Variants in PXDNL observed in about 807,000 individuals in gnomAD.
PXDNL encodes the protein peroxidasin like.
A neutral mutation model predicts 150.8 loss-of-function variants in PXDNL; 145 were observed. The ratio of observed to expected loss-of-function variants is 0.96; its 90% CI spans 0.84 to 1.10. The LOEUF is 1.10. Ranked by LOEUF, PXDNL falls within the 50% of genes least tolerant of loss-of-function variation. The pLI, the probability that PXDNL is intolerant of heterozygous loss-of-function variation, is 0.00. For missense variants in PXDNL, 2,087 were observed against 1,873.9 expected, an observed-to-expected ratio of 1.11 and a Z score of -2.10; for synonymous variants, 757 against 725.7, an observed-to-expected ratio of 1.04 and a Z score of -0.69.
intron 4 of PXDNL, among the ~76,000 whole-genome samples, chr8:51,525,735 G>A (rs6990682): frequency 0.016 from 2,369 of 152,252 alleles, 65 homozygotes; most frequent in African/African-American, 0.054. Flanking sequence ...AGCAACCCCT[G>A]AGCACTGAAG....
At chr8:51,667,153 C>G (rs1302576628) in intron 1 of PXDNL, among the ~76,000 whole-genome samples, 1 of 152,168 alleles carries the variant, frequency 6.6e-6, no homozygotes, top group Non-Finnish European at 1.5e-5. Context: ...CAATCATGAT[C>G]TCTTCCGTAA....
chr8:51,442,708 G>A (rs1395511236), intron 12 of PXDNL, among the ~76,000 whole-genome samples: 1 of 151,542 alleles, frequency 6.6e-6, no homozygotes, highest in East Asian at 1.9e-4. Flanking sequence ...TTAAATTTCT[G>A]GAATAAATAC....
intron 1 of PXDNL, among the ~76,000 whole-genome samples, chr8:51,755,404 C>T (rs62508306): frequency 0.021 from 3,253 of 152,074 alleles, 43 homozygotes; most frequent in Non-Finnish European, 0.031. Flanking sequence ...AAGCAATTCT[C>T]CTGCCTCAGC....
intron 3 of PXDNL, among the ~76,000 whole-genome samples, chr8:51,590,843 G>A (rs1232646860): frequency 6.6e-6 from 1 of 152,076 alleles, no homozygotes; most frequent in East Asian, 1.9e-4. Context: ...TTTTGAGTTT[G>A]TGCTAAAATA....
intron 8 of PXDNL, among the ~76,000 whole-genome samples, chr8:51,460,523 T>C (rs1810051672): frequency 7.0e-6 from 1 of 143,176 alleles, no homozygotes; most frequent in Non-Finnish European, 1.5e-5. Context: ...ACAGATCTTT[T>C]GAGGGAAAAC....
rs762577648 is a variant in PXDNL at position 51,372,021 on chromosome 8, C to G, written c.3753G>C (p.Ala1251=). ...TPAQLTQLKQ[A]SLSRVLCDNG... ...TGTCACAAAGCACCCGGCTCAGGGA[C>G]GCCTGCTTCAGCTGAGTGAGTTGTG... Residue 1251 remains alanine, a synonymous_variant, in exon 19 of 23, where the codon GCG becomes GCC. Coordinates refer to ENST00000356297, the MANE Select transcript of PXDNL (RefSeq NM_144651.5). The G allele has an allele frequency of 1.2e-6, 2 of 1,612,058 alleles. No homozygotes were observed. Among genetic ancestry groups the G allele is most frequent in the Non-Finnish European group, 1.7e-6 (2 of 1,179,054 alleles).
At chr8:51,585,180 T>A (rs1813296632) in intron 3 of PXDNL, among the ~76,000 whole-genome samples, 1 of 152,100 alleles carries the variant, frequency 6.6e-6, no homozygotes, top group Non-Finnish European at 1.5e-5. Context: ...AGATAATGAG[T>A]TAAATTTAAG....
chr8:51,617,924 G>A (rs764138533), intron 2 of PXDNL, among the ~76,000 whole-genome samples: 1 of 152,166 alleles, frequency 6.6e-6, no homozygotes, highest in Non-Finnish European at 1.5e-5. Context: ...GCATGCAGGC[G>A]CACACGCACA....
intron 2 of PXDNL, among the ~76,000 whole-genome samples, chr8:51,608,956 C>T (rs1813938341): frequency 6.6e-6 from 1 of 151,396 alleles, no homozygotes. Context: ...CTCAAATTGA[C>T]GAGGTGCTCT....
rs762118463 is a variant in PXDNL at position 51,408,163 on chromosome 8, A to G, written c.3461T>C (p.Val1154Ala). The change falls in exon 17 of 23, where the codon GTT becomes GCT. Residue 1154 changes from valine to alanine, a missense_variant. Transcript: ENST00000356297. ...CAAATTACAGAAAACTCTGAAGTCAACATATGGTGGGATCCCGTGGTCTCT... is the reference window on the plus strand; with the variant it reads ...CAAATTACAGAAAACTCTGAAGTCAGCATATGGTGGGATCCCGTGGTCTCT... ...RGRDHGIPPY[V>A]DFRVFCNLTS... 1.4e-5 allele frequency: 22 copies of G among 1,613,934 alleles called. No homozygotes were observed. The highest frequency in any genetic ancestry group is 5.5e-5 in the South Asian group (5 of 91,088).
intron 1 of PXDNL, among the ~76,000 whole-genome samples, chr8:51,795,090 G>A (rs1011304095): frequency 6.6e-5 from 10 of 152,134 alleles, no homozygotes; most frequent in Admixed American, 1.3e-4. Flanking sequence ...AACAAGAAGA[G>A]ATAACTATCC....
At chr8:51,763,946 A>G (rs2131004649) in intron 1 of PXDNL, among the ~76,000 whole-genome samples, 1 of 152,340 alleles carries the variant, frequency 6.6e-6, no homozygotes. Flanking sequence ...GACCTGGGAT[A>G]TAGCTATGAG....
At chr8:51,619,267 C>G (rs1027772452) in intron 2 of PXDNL, among the ~76,000 whole-genome samples, 6 of 152,188 alleles carry the variant, frequency 3.9e-5, no homozygotes, top group African/African-American at 1.4e-4. Context: ...CTCCAGCCTT[C>G]CCTGCCTTTC....
In PXDNL at chr8:51,408,571, A is replaced by T. The variant is rs571058440; in HGVS notation, c.3053T>A (p.Leu1018Gln). The T allele has an allele frequency of 2.3e-5, 37 of 1,612,910 alleles. 1 individual carries two copies. The Admixed American group carries it at 6.0e-4, about 26-fold the overall frequency. The change falls in exon 17 of 23, where the codon CTG becomes CAG. Residue 1018 changes from leucine (L) to glutamine (Q), a missense_variant. Physicochemically the swap from Leu to Gln is moderately radical, Grantham distance 113. Transcript: ENST00000356297. ...GCCAGGGTCCCCCAGGACCTTAGGCAGCCAGTGGCTGTAGGTGATGTGCTG... is the reference window on the plus strand; with the variant it reads ...GCCAGGGTCCCCCAGGACCTTAGGCTGCCAGTGGCTGTAGGTGATGTGCTG... ...ELQHITYSHW[L>Q]PKVLGDPGTR...
At chr8:51,686,833 A>G (rs1019777112) in intron 1 of PXDNL, among the ~76,000 whole-genome samples, 1 of 152,170 alleles carries the variant, frequency 6.6e-6, no homozygotes, top group Non-Finnish European at 1.5e-5. Context: ...CCTCACAATA[A>G]AAAATAAAAA....
chr8:51,357,579 C>T (rs755263736), intron 19 of PXDNL, among the ~76,000 whole-genome samples: 2 of 152,152 alleles, frequency 1.3e-5, no homozygotes, highest in African/African-American at 2.4e-5. Flanking sequence ...TTGACAAAAT[C>T]AGAGTCAGTA....
chr8:51,445,925 G>C (rs989575728), intron 12 of PXDNL, among the ~76,000 whole-genome samples: 1 of 151,658 alleles, frequency 6.6e-6, no homozygotes, highest in African/African-American at 2.4e-5. Flanking sequence ...ACTCGTTTGA[G>C]TTGCTATTTT....
At chr8:51,696,839 AGGT>A in intron 1 of PXDNL, among the ~76,000 whole-genome samples, 2 of 124 alleles carry the variant, frequency 0.016, no homozygotes, top group Non-Finnish European at 0.023. Flanking sequence ...ACACACACAC[AGGT>A]CCTGACACAC....
At chr8:51,396,164 C>A (rs1468522773) in intron 17 of PXDNL, among the ~76,000 whole-genome samples, 1 of 151,666 alleles carries the variant, frequency 6.6e-6, no homozygotes, top group East Asian at 1.9e-4. Flanking sequence ...AAGGGATGGG[C>A]TAGACGGGGA....
Sources: allele counts gnomAD v4.1 joint callset (sites outside exome capture counted in the v4.1 genomes callset), GRCh38; gene constraint gnomAD v4.1.1; transcripts MANE v1.5; gene names NCBI Gene and HGNC (gene_info 2026-07-23, HGNC 2026-07-21).